The following TNFRSF14 variants were observed in gnomAD, a reference collection of about 807,000 sequenced individuals.
TNFRSF14 encodes the protein TNF receptor superfamily member 14, also known as tumor necrosis factor receptor superfamily member 14.
Under a neutral mutation model 34.1 loss-of-function variants are expected in TNFRSF14, and 18 were observed. That is an observed-to-expected ratio of 0.53 (90% CI 0.36 to 0.78). The LOEUF (loss-of-function observed/expected upper bound fraction) is 0.78. Ranked by LOEUF, TNFRSF14 falls within the 30% of genes least tolerant of loss-of-function variation. The pLI is 0.00. For synonymous variants in TNFRSF14, 157 were observed against 153.2 expected, an observed-to-expected ratio of 1.02 and a Z score of -0.18; for missense variants, 352 against 379.5, an observed-to-expected ratio of 0.93 and a Z score of 0.60.
intron 7 of TNFRSF14, 41 bp downstream of exon 7, chr1:2,562,937 C>G: frequency 7.0e-7 from 1 of 1,429,506 alleles, no homozygotes; most frequent in African/African-American, 1.4e-5. Flanking sequence ...CCTCCACCTT[C>G]CCACCTCCCC....
In TNFRSF14 at chr1:2,561,997, G is replaced by A. The variant is rs538520450; in HGVS notation, c.694+182G>A. On this transcript the variant is annotated intron_variant, in intron 6 of 7. Transcript: ENST00000355716. This position sits in a 1 kb window ranked among gnomAD's most constrained non-coding sequence, Gnocchi z 6.0. ...GTGGCCAGAGCCCAGGTGTCAGCTGGCCTCCCTGGGGGAAGGGAAGGTGGG... is the reference window on the plus strand; with the variant it reads ...GTGGCCAGAGCCCAGGTGTCAGCTGACCTCCCTGGGGGAAGGGAAGGTGGG... 188 of 687,180 alleles carry A rather than the reference G, an allele frequency of 2.7e-4. 1 individual carries two copies. Among genetic ancestry groups the A allele is most frequent in the South Asian group, 2.5e-3 (139 of 55,094 alleles). 42.6% of individuals were successfully genotyped at this position (687,180 alleles called of 1,614,324 possible). A position where few individuals can be genotyped will look rare whatever the true frequency, so the allele number is the denominator to read the frequency against.
At position 2,558,489 on chromosome 1, in the gene TNFRSF14, G is replaced by A. The variant is rs1424323812; in HGVS notation, c.304+21G>A. The A allele has an allele frequency of 4.3e-6, 7 of 1,611,630 alleles. No homozygotes were observed. The South Asian group carries it at 6.6e-5, about 15-fold the overall frequency. Reference sequence around the variant, plus strand: ...CCCAGGTAAGAGGCCAGCACAGCCGGCCCAGCCTCCGCTTGGGCAGCCTGG... The same window carrying A: ...CCCAGGTAAGAGGCCAGCACAGCCGACCCAGCCTCCGCTTGGGCAGCCTGG... On this transcript the variant is annotated intron_variant, in intron 3 of 7. Coordinates refer to ENST00000355716, the MANE Select transcript of TNFRSF14 (RefSeq NM_003820.4).
Position 2,556,634 on chromosome 1 carries a change from G to C in TNFRSF14, c.-31G>C. On this transcript the variant is annotated 5_prime_UTR_variant, in exon 1 of 8. Transcript: ENST00000355716. ...CTGCTGGAGTTCATCCTGCTAGCTG[G>C]GTTCCCGAGCTGCCGGTCTGAGCCT... 1 of 1,604,630 alleles carries C rather than the reference G, an allele frequency of 6.2e-7. No homozygotes were observed. Among genetic ancestry groups the C allele is most frequent in the Non-Finnish European group, 8.5e-7 (1 of 1,175,322 alleles).
chr1:2,561,712 C>T lies in TNFRSF14; in HGVS notation c.591C>T (p.Ser197=), dbSNP rs2100860115. The change falls in exon 6 of 8, where the codon AGC becomes AGT. Residue 197 remains serine (S), a synonymous_variant. Transcript: ENST00000355716. The surrounding 1 kb of genome is among the most constrained non-coding windows in gnomAD (Gnocchi z 6.0). ...WLVTKAGAGT[S]SSHWVWWFLS... ...TGACGAAGGCCGGAGCTGGGACCAG[C>T]AGCTCCCACTGGGTATGGTGGTTTC... is the stretch of plus-strand genomic sequence containing the variant. 1.2e-6 allele frequency: 2 copies of T among 1,613,434 alleles called. No homozygotes were observed. The highest frequency in any genetic ancestry group is 1.1e-5 in the South Asian group (1 of 91,092).
chr1:2,554,628 G>A (rs1644188095), upstream of TNFRSF14: 1 of 152,306 alleles, frequency 6.6e-6, no homozygotes, highest in South Asian at 2.1e-4. The surrounding 1 kb of genome is among the most constrained non-coding windows in gnomAD (Gnocchi z 4.2). Flanking sequence ...TGGCACCTGG[G>A]GCCCTATGTC....
chr1:2,560,744 G>C, intron 5 of TNFRSF14, 30 bp downstream of exon 5: 1 of 1,600,688 alleles, frequency 6.2e-7, no homozygotes, highest in Non-Finnish European at 8.5e-7. Flanking sequence ...GCCCAGCTCT[G>C]TGCCCTGGGG....
At chr1:2,557,887 TG>T in intron 2 of TNFRSF14, 53 bp downstream of exon 2, 1 of 1,384,760 alleles carries the variant, frequency 7.2e-7, no homozygotes, top group Non-Finnish European at 9.9e-7. Flanking sequence ...CAGACACTCT[TG>T]CCCCCTTCTG....
Position 2,561,277 on chromosome 1 carries a change from C to G in TNFRSF14, c.552-396C>G, listed in dbSNP as rs1183899186. 3.7e-6 allele frequency: 2 copies of G among 542,814 alleles called. No homozygotes were observed. The highest frequency in any genetic ancestry group is 6.5e-6 in the Non-Finnish European group (2 of 306,002). The allele number at this position is 542,814 out of a possible 1,614,324, so 33.6% of individuals were successfully genotyped here. On this transcript the variant is annotated intron_variant, in intron 5 of 7. Coordinates refer to ENST00000355716, the MANE Select transcript of TNFRSF14 (RefSeq NM_003820.4). This position sits in a 1 kb window ranked among gnomAD's most constrained non-coding sequence, Gnocchi z 6.0. ...TGCCCTCCTCGTCCTCTGGCCCCAG[C>G]TCAGTCCTGTCCATCTCCAGCTCTA...
At chr1:2,555,429 C>T (rs3762438), upstream of TNFRSF14, 27,743 of 152,110 alleles carry the variant, frequency 0.18, 3,052 homozygotes, top group East Asian at 0.44. This position sits in a 1 kb window ranked among gnomAD's most constrained non-coding sequence, Gnocchi z 6.3. Flanking sequence ...TGAGGGTGGG[C>T]GCAATCCCCA....
Position 2,560,660 on chromosome 1 carries a change from C to T in TNFRSF14, c.497C>T (p.Pro166Leu), listed in dbSNP as rs1439091109. 1 of 1,613,488 alleles carries T rather than the reference C, an allele frequency of 6.2e-7. No homozygotes were observed. The highest frequency in any genetic ancestry group is 8.5e-7 in the Non-Finnish European group (1 of 1,179,922). Residue 166 changes from proline (P) to leucine (L), a missense_variant, in exon 5 of 8, where the codon CCC becomes CTC. Coordinates refer to ENST00000355716, the MANE Select transcript of TNFRSF14 (RefSeq NM_003820.4). ...CAGGACACCCTGTGTCAGAACTGCC[C>T]CCCGGGGACCTTCTCTCCCAATGGG... ...ESQDTLCQNC[P>L]PGTFSPNGTL...
chr1:2,563,635 A>G lies in TNFRSF14; in HGVS notation c.*362A>G, dbSNP rs1395039713. 1.0e-5 allele frequency: 3 copies of G among 298,528 alleles called. No individual in the cohort carries two copies. Among genetic ancestry groups the G allele is most frequent in the Non-Finnish European group, 1.3e-5 (2 of 159,024 alleles). 18.5% of individuals were successfully genotyped at this position (298,528 alleles called of 1,614,324 possible). On this transcript the variant is annotated 3_prime_UTR_variant, in exon 8 of 8. Coordinates refer to ENST00000355716, the MANE Select transcript of TNFRSF14 (RefSeq NM_003820.4). The stretch of plus-strand genomic sequence containing the variant: ...CTGCGCGTCTGACTCTTGTGGCCTC[A>G]GCAGGACAGGCCCCGGGCACTGCCT...
rs1644316046 is a variant in TNFRSF14, at chr1:2,561,920, G to A, written c.694+105G>A. The A allele has an allele frequency of 1.2e-5, 16 of 1,293,440 alleles. No homozygotes were observed. The highest frequency in any genetic ancestry group is 2.1e-4 in the Middle Eastern group (1 of 4,728). 80.1% of individuals were successfully genotyped at this position (1,293,440 alleles called of 1,614,324 possible). On this transcript the variant is annotated intron_variant, in intron 6 of 7. Transcript: ENST00000355716. The surrounding 1 kb of genome is among the most constrained non-coding windows in gnomAD (Gnocchi z 6.0). ...TGGCCCCAGAGCTTTTCCAGGATCC[G>A]CGGCTCCTCCCAGGGCAGCCACTGC...
Position 2,561,970 on chromosome 1 carries a change from C to A in TNFRSF14, c.694+155C>A, listed in dbSNP as rs996766153. 2.4e-6 allele frequency: 2 copies of A among 843,436 alleles called. No homozygotes were observed. Among genetic ancestry groups the A allele is most frequent in the Non-Finnish European group, 1.9e-6 (1 of 540,480 alleles). 52.2% of individuals were successfully genotyped at this position (843,436 alleles called of 1,614,324 possible). A position where few individuals can be genotyped will look rare whatever the true frequency, so the allele number is the denominator to read the frequency against. ...CAGGCTGGGGCAGGTGGGCTTTCTG[C>A]TGTGGCCAGAGCCCAGGTGTCAGCT... is the stretch of plus-strand genomic sequence containing the variant. On this transcript the variant is annotated intron_variant, in intron 6 of 7. Transcript: ENST00000355716. This position sits in a 1 kb window ranked among gnomAD's most constrained non-coding sequence, Gnocchi z 6.0.
chr1:2,556,790 C>A, intron 1 of TNFRSF14, 57 bp downstream of exon 1: 1 of 1,488,252 alleles, frequency 6.7e-7, no homozygotes, highest in Non-Finnish European at 9.0e-7. Context: ...GACCCCAGGG[C>A]CTCCCACAGA....
chr1:2,563,360 C>G lies in TNFRSF14; in HGVS notation c.*87C>G, dbSNP rs890158551. On this transcript the variant is annotated 3_prime_UTR_variant, in exon 8 of 8. Transcript: ENST00000355716. ...TCCACCTGGCGGAACCACCGGAGCCCGGAGGCTTGGGGGCTCCGCCCTGGG... is the reference window on the plus strand; with the variant it reads ...TCCACCTGGCGGAACCACCGGAGCCGGGAGGCTTGGGGGCTCCGCCCTGGG... The G allele has an allele frequency of 6.4e-7, 1 of 1,573,396 alleles. No individual in the cohort carries two copies. Among genetic ancestry groups the G allele is most frequent in the South Asian group, 1.2e-5 (1 of 86,122 alleles).
Position 2,562,489 on chromosome 1 carries a change from G to A in TNFRSF14, c.695-376G>A, listed in dbSNP as rs576355096. 1.5e-4 allele frequency: 59 copies of A among 381,396 alleles called. No homozygotes were observed. In the Admixed American group the frequency reaches 2.2e-3, roughly 14 times the overall value. 23.6% of individuals were successfully genotyped at this position (381,396 alleles called of 1,614,324 possible). On this transcript the variant is annotated intron_variant, in intron 6 of 7. Coordinates refer to ENST00000355716, the MANE Select transcript of TNFRSF14 (RefSeq NM_003820.4). ...GGGGCCTCAGGCTCTAGGGTAGGCC[G>A]GGCAGCAGCTTAGTCTCACCCAACT...
At chr1:2,560,290 A>G (rs1644288749) in intron 4 of TNFRSF14, among the ~76,000 whole-genome samples, 1 of 152,108 alleles carries the variant, frequency 6.6e-6, no homozygotes, top group Admixed American at 6.5e-5. Flanking sequence ...GGGAGTGACC[A>G]TGGTTAATGC....
chr1:2,559,610 C>T (rs1304968619), intron 3 of TNFRSF14: 4 of 1,533,826 alleles, frequency 2.6e-6, no homozygotes, highest in Admixed American at 2.0e-5. Context: ...CCTGCAAGCC[C>T]TCGTCCCACA....
chr1:2,559,905 C>G lies in TNFRSF14; in HGVS notation c.387C>G (p.Val129=). 6.2e-7 allele frequency: 1 copy of G among 1,603,684 alleles called. No homozygotes were observed. Among genetic ancestry groups the G allele is most frequent in the Non-Finnish European group, 8.5e-7 (1 of 1,175,674 alleles). The part of the protein sequence containing the change: ...CGCSPGHFCI[V]QDGDHCAACR... ...GCAGCCCAGGCCACTTCTGCATCGT[C>G]CAGGACGGGGACCACTGCGCCGCGT... The change falls in exon 4 of 8, where the codon GTC becomes GTG. Residue 129 remains valine, a synonymous_variant. Transcript: ENST00000355716.
Sources: gnomAD v4.1 joint callset for allele counts (sites outside exome capture counted in the v4.1 genomes callset) on GRCh38, gnomAD v4.1.1 for gene constraint, Gnocchi (gnomAD v3.1) non-coding constraint, MANE v1.5 for transcripts, NCBI Gene and HGNC (gene_info 2026-07-23, HGNC 2026-07-21) for gene names.